MBD5: variants seen among roughly 807,000 people sequenced by gnomAD.
The protein encoded by MBD5 is methyl-CpG binding domain protein 5.
A neutral mutation model predicts 117.3 loss-of-function variants in MBD5; 13 were observed. The ratio of observed to expected loss-of-function variants is 0.11; its 90% CI spans 0.07 to 0.18. The LOEUF (loss-of-function observed/expected upper bound fraction) is 0.18, where lower values mean the gene tolerates loss of function less well. MBD5 is among the 10% of genes least tolerant of loss of function. The pLI is 1.00. For missense variants in MBD5, 1,879 were observed against 2,093.8 expected, an observed-to-expected ratio of 0.90 and a Z score of 2.00; for synonymous variants, 727 against 766.4, an observed-to-expected ratio of 0.95 and a Z score of 0.85.
chr2:148,034,305 T>A (rs1328898294), intron 1 of MBD5, among the ~76,000 whole-genome samples: 1 of 152,202 alleles, frequency 6.6e-6, no homozygotes, highest in African/African-American at 2.4e-5. Context: ...TTTTCAGGGA[T>A]TGATACGTTT....
At chr2:148,261,353 C>G (rs947073758) in intron 3 of MBD5, among the ~76,000 whole-genome samples, 3 of 152,202 alleles carry the variant, frequency 2.0e-5, no homozygotes, top group South Asian at 2.1e-4. Context: ...GTTTGTTCAT[C>G]AATGATCTTA....
In MBD5 at chr2:148,262,906, G is replaced by A. The variant is rs73013011; in HGVS notation, c.-680+29511G>A. ...TCTGGAGGTGGGAAGACCAAATAGA[G>A]GAAAGCATGGATGTTAGTCTGATCT... On this transcript the variant is annotated intron_variant, in intron 3 of 13. Coordinates refer to ENST00000642680, the MANE Select transcript of MBD5 (RefSeq NM_001378120.1). Among the ~76,000 whole-genome samples the A allele has an allele frequency of 5.7e-3, 854 of 149,180 alleles. 11 individuals are homozygous for A. The highest frequency in any genetic ancestry group is 0.021 in the African/African-American group (826 of 38,666).
chr2:148,037,602 A>G (rs1395376465), intron 1 of MBD5, among the ~76,000 whole-genome samples: 1 of 152,006 alleles, frequency 6.6e-6, no homozygotes, highest in African/African-American at 2.4e-5. Context: ...TCAAGAGAAT[A>G]GTAATATTTT....
chr2:148,416,921 C>A (rs1482280137), intron 4 of MBD5, among the ~76,000 whole-genome samples: 1 of 152,132 alleles, frequency 6.6e-6, no homozygotes, highest in Non-Finnish European at 1.5e-5. Context: ...ACCTCCAGTT[C>A]CATCCAAGTT....
intron 13 of MBD5, chr2:148,512,262 GAGTTGTATTAA>G: frequency 6.1e-6 from 1 of 163,192 alleles, no homozygotes; most frequent in Admixed American, 5.6e-5. Context: ...AAAGAAAGGT[GAGTTGTATTAA>G]CTGCTCCTCC....
rs1200182816 is a variant in MBD5, at chr2:148,483,136, G to A, written c.2545G>A (p.Ala849Thr). Residue 849 changes from alanine (A) to threonine (T), a missense_variant, in exon 9 of 14, where the codon GCC (alanine) becomes ACC (threonine). Coordinates refer to ENST00000642680, the MANE Select transcript of MBD5 (RefSeq NM_001378120.1). ...CGGTTCAGGACCATCATCCTCCATA[G>A]CCATAGCGGGCACCAACCACCCTGC... The part of the protein sequence containing the change: ...AGGSGPSSSI[A>T]IAGTNHPAIT... 6.2e-7 allele frequency: 1 copy of A among 1,610,588 alleles called. No homozygotes were observed. The highest frequency in any genetic ancestry group is 8.5e-7 in the Non-Finnish European group (1 of 1,179,664).
chr2:148,479,719 TG>T (rs975882110), intron 8 of MBD5, among the ~76,000 whole-genome samples: 4 of 58,052 alleles, frequency 6.9e-5, no homozygotes, highest in African/African-American at 1.3e-4. Flanking sequence ...ATGTCTTTGT[TG>T]TTTTTTTTTT....
intron 4 of MBD5, among the ~76,000 whole-genome samples, chr2:148,426,154 A>T (rs1345698944): frequency 6.6e-6 from 1 of 152,244 alleles, no homozygotes; most frequent in Non-Finnish European, 1.5e-5. Context: ...ATAGAAGAGG[A>T]TACAAACAAG....
chr2:148,176,014 A>G (rs1199711982), intron 1 of MBD5, among the ~76,000 whole-genome samples: 1 of 152,172 alleles, frequency 6.6e-6, no homozygotes, highest in African/African-American at 2.4e-5. Flanking sequence ...GATTAATATG[A>G]TTGAATTCTT....
At chr2:148,238,673 A>G (rs1362954680) in intron 3 of MBD5, among the ~76,000 whole-genome samples, 1 of 152,206 alleles carries the variant, frequency 6.6e-6, no homozygotes, top group Non-Finnish European at 1.5e-5. Context: ...AGTTGTTGGC[A>G]GAGCCTTGCT....
At chr2:148,432,527 T>C (rs1706022138) in intron 4 of MBD5, among the ~76,000 whole-genome samples, 1 of 152,192 alleles carries the variant, frequency 6.6e-6, no homozygotes, top group African/African-American at 2.4e-5. Context: ...TTCATCCATC[T>C]TGAGTTGATT....
At chr2:148,141,250 C>T (rs1422207483) in intron 1 of MBD5, among the ~76,000 whole-genome samples, 3 of 152,098 alleles carry the variant, frequency 2.0e-5, no homozygotes, top group Non-Finnish European at 4.4e-5. Flanking sequence ...CAAGGAAATA[C>T]CTCTTTACCA....
At position 148,074,507 on chromosome 2, in the gene MBD5, G is replaced by GGTTTTTTTTTTTGT. The variant is rs1553469621; in HGVS notation, c.-925+52823_-925+52824insGTTTTTTTTTTTGT. Among the ~76,000 whole-genome samples the GGTTTTTTTTTTTGT allele has an allele frequency of 2.6e-5, 3 of 113,772 alleles. 1 individual carries two copies. Among genetic ancestry groups the GGTTTTTTTTTTTGT allele is most frequent in the African/African-American group, 1.0e-4 (3 of 28,966 alleles). The allele number at this position is 113,772 out of a possible 152,430, so 74.6% of individuals were successfully genotyped here. A position where few individuals can be genotyped will look rare whatever the true frequency, so the allele number is the denominator to read the frequency against. ...TTGTTTTTTTTTTGTTTTTTTTTTT[G>GGTTTTTTTTTTTGT]TTTTTTTTTTTGAGATGGAGTCTTG... is the stretch of plus-strand genomic sequence containing the variant. On this transcript the variant is annotated intron_variant, in intron 1 of 13. Coordinates refer to ENST00000642680, the MANE Select transcript of MBD5 (RefSeq NM_001378120.1).
At chr2:148,372,890 T>C (rs1157580070) in intron 4 of MBD5, among the ~76,000 whole-genome samples, 7 of 152,082 alleles carry the variant, frequency 4.6e-5, no homozygotes, top group African/African-American at 1.4e-4. Context: ...CTCTCTATAA[T>C]TTTTCCTCTG....
At chr2:148,248,581 A>G (rs1700393813) in intron 3 of MBD5, among the ~76,000 whole-genome samples, 1 of 152,140 alleles carries the variant, frequency 6.6e-6, no homozygotes, top group South Asian at 2.1e-4. Context: ...CAGAAACTAT[A>G]TTCCAAAGAA....
At chr2:148,084,315 C>G (rs1695723788) in intron 1 of MBD5, among the ~76,000 whole-genome samples, 1 of 152,138 alleles carries the variant, frequency 6.6e-6, no homozygotes, top group Admixed American at 6.5e-5. Flanking sequence ...TTCTGCCCAA[C>G]TAGAATTAAA....
At chr2:148,466,435 A>G (rs1707260888) in intron 7 of MBD5, among the ~76,000 whole-genome samples, 1 of 152,172 alleles carries the variant, frequency 6.6e-6, no homozygotes, top group African/African-American at 2.4e-5. Context: ...TTAGTTGAAT[A>G]TAAAAATTCC....
intron 1 of MBD5, among the ~76,000 whole-genome samples, chr2:148,113,273 A>G (rs1574027826): frequency 6.6e-6 from 1 of 152,178 alleles, no homozygotes; most frequent in Non-Finnish European, 1.5e-5. Context: ...CTAGTGATCA[A>G]TGCTTCCTTT....
chr2:148,280,131 C>CAAAAAAAAAAAAAAAAACAAA (rs1701209002), intron 3 of MBD5, among the ~76,000 whole-genome samples: 1 of 91,886 alleles, frequency 1.1e-5, no homozygotes, highest in African/African-American at 4.0e-5. Flanking sequence ...AAACTAACTG[C>CAAAAAAAAAAAAAAAAACAAA]AAAAAAAAAA....
Sources: allele counts gnomAD v4.1 joint callset (sites outside exome capture counted in the v4.1 genomes callset), GRCh38; gene constraint gnomAD v4.1.1; transcripts MANE v1.5; gene names NCBI Gene and HGNC (gene_info 2026-07-23, HGNC 2026-07-21).